The following GDAP1 variants were observed in gnomAD, a reference collection of about 807,000 sequenced individuals.
The protein encoded by GDAP1 is ganglioside-induced differentiation-associated protein 1.
A neutral mutation model predicts 40.1 loss-of-function variants in GDAP1; 34 were observed. That is an observed-to-expected ratio of 0.85 (90% confidence interval 0.64 to 1.13). The LOEUF is 1.13. GDAP1 is among the 50% of genes most tolerant of loss of function. The pLI is 0.00. For synonymous variants in GDAP1, 170 were observed against 157.4 expected (o/e 1.08, Z -0.60); for missense variants, 374 against 433.7 (o/e 0.86, Z 1.22).
intron 2 of GDAP1, among the ~76,000 whole-genome samples, chr8:74,357,094 A>G (rs1366764833): frequency 2.0e-5 from 3 of 152,196 alleles, no homozygotes; most frequent in African/African-American, 7.2e-5. Context: ...TATGCATATT[A>G]TATACTGATG....
At chr8:74,422,316 T>C (rs1450485046) in intron 2 of GDAP1, among the ~76,000 whole-genome samples, 92 of 53,854 alleles carry the variant, frequency 1.7e-3, no homozygotes, top group African/African-American at 9.2e-3. Context: ...TTTCTTTCTT[T>C]CTTTCTTTCT....
Position 74,423,533 on chromosome 8 carries a change from A to G in GDAP1, c.166-65145A>G, listed in dbSNP as rs141149713. ...ATGATGTTGTCATTAGTGATGACAG[A>G]TCTAATTCTCAATTTTTCCAATCCT... On this transcript the variant is annotated intron_variant, in intron 2 of 2. Coordinates refer to the GDAP1 transcript ENST00000523640. Among the ~76,000 whole-genome samples the G allele has an allele frequency of 5.3e-5, 8 of 151,538 alleles. No homozygotes were observed. In the East Asian group the frequency reaches 1.4e-3, roughly 26 times the overall value.
At chr8:74,419,609 C>A (rs1805830540) in intron 2 of GDAP1, among the ~76,000 whole-genome samples, 1 of 152,130 alleles carries the variant, frequency 6.6e-6, no homozygotes, top group South Asian at 2.1e-4. Context: ...TTTTCCTACA[C>A]CCTGTAGGTT....
chr8:74,371,602 G>A (rs1809751535), downstream of GDAP1, among the ~76,000 whole-genome samples: 1 of 151,588 alleles, frequency 6.6e-6, no homozygotes, highest in Non-Finnish European at 1.5e-5. Flanking sequence ...GGAGCTTGCA[G>A]TGAGCCGAGA....
chr8:74,403,083 CCAAA>C (rs1805582817), intron 2 of GDAP1, among the ~76,000 whole-genome samples: 2 of 149,924 alleles, frequency 1.3e-5, no homozygotes, highest in African/African-American at 5.1e-5. Context: ...ATAATAGTGC[CCAAA>C]CAATCTGATG....
chr8:74,454,765 C>CAAATATAATGATAT (rs1393727805), intron 2 of GDAP1, among the ~76,000 whole-genome samples: 2 of 21,062 alleles, frequency 9.5e-5, no homozygotes, highest in Admixed American at 4.5e-4. Flanking sequence ...ATTATAATGC[C>CAAATATAATGATAT]AAATATAATG....
downstream of GDAP1, among the ~76,000 whole-genome samples, chr8:74,369,394 G>C (rs1343295416): frequency 6.6e-6 from 1 of 152,122 alleles, no homozygotes; most frequent in African/African-American, 2.4e-5. Context: ...TGATTGAATT[G>C]ACAGAAAATC....
At chr8:74,425,223 G>A (rs2131561746) in intron 2 of GDAP1, among the ~76,000 whole-genome samples, 1 of 152,308 alleles carries the variant, frequency 6.6e-6, no homozygotes, top group South Asian at 2.1e-4. Context: ...TTGCCCTTGG[G>A]CTCTGGCCTC....
intron 2 of GDAP1, among the ~76,000 whole-genome samples, chr8:74,476,456 C>T (rs536794479): frequency 6.6e-5 from 10 of 152,228 alleles, no homozygotes; most frequent in African/African-American, 1.4e-4. Context: ...TTCTTTCAGG[C>T]GCTCTTGTAA....
chr8:74,453,786 T>A lies in GDAP1; in HGVS notation c.166-34892T>A, dbSNP rs1806308618. On this transcript the variant is annotated intron_variant, in intron 2 of 2. Transcript: ENST00000523640. The stretch of plus-strand genomic sequence containing the variant: ...AGTATTCCACTAGGTTAATGGAGCC[T>A]GATTTGTTTTTAAAACTTGAAGAAG... Among the ~76,000 whole-genome samples the A allele has an allele frequency of 2.4e-5, 2 of 82,620 alleles. 1 individual carries two copies. Among genetic ancestry groups the A allele is most frequent in the South Asian group, 1.1e-3 (2 of 1,806 alleles). The allele number at this position is 82,620 out of a possible 152,430, so 54.2% of individuals were successfully genotyped here. A position where few individuals can be genotyped will look rare whatever the true frequency, so the allele number is the denominator to read the frequency against.
chr8:74,355,753 G>T (rs1196018484), intron 2 of GDAP1, among the ~76,000 whole-genome samples: 1 of 152,008 alleles, frequency 6.6e-6, no homozygotes, highest in Non-Finnish European at 1.5e-5. Flanking sequence ...TGGTAACCTG[G>T]AATCAAGAAT....
chr8:74,457,170 G>T (rs1003271678), intron 2 of GDAP1, among the ~76,000 whole-genome samples: 1 of 152,006 alleles, frequency 6.6e-6, no homozygotes, highest in Non-Finnish European at 1.5e-5. Flanking sequence ...AAATTAACTG[G>T]CAAGTGTTTG....
At chr8:74,457,875 A>G (rs1222786210) in intron 2 of GDAP1, among the ~76,000 whole-genome samples, 2 of 152,094 alleles carry the variant, frequency 1.3e-5, no homozygotes, top group African/African-American at 2.4e-5. Flanking sequence ...TAGTCTCTTC[A>G]TATTTATTTT....
At chr8:74,433,691 A>T (rs1312486900) in intron 2 of GDAP1, among the ~76,000 whole-genome samples, 2 of 152,122 alleles carry the variant, frequency 1.3e-5, no homozygotes, top group Non-Finnish European at 2.9e-5. Flanking sequence ...GCCTAGAGAG[A>T]GTTCTGGCAT....
chr8:74,400,684 C>CT (rs1365689819), intron 2 of GDAP1, among the ~76,000 whole-genome samples: 3 of 149,876 alleles, frequency 2.0e-5, no homozygotes, highest in Non-Finnish European at 4.4e-5. Context: ...TTTGCAGTGG[C>CT]TGGTACCAGT....
At position 74,442,298 on chromosome 8, in the gene GDAP1, G is replaced by T. The variant is rs76664402; in HGVS notation, c.166-46380G>T. 1.1e-3 allele frequency among the ~76,000 whole-genome samples: 161 copies of T among 152,282 alleles called. 1 individual carries two copies. Among genetic ancestry groups the T allele is most frequent in the African/African-American group, 3.6e-3 (148 of 41,560 alleles). On this transcript the variant is annotated intron_variant, in intron 2 of 2. Coordinates refer to the GDAP1 transcript ENST00000523640. ...TACTTCCAGGCTTCCCAGAGGATCC[G>T]GTACCTTCTGCCCTACTTCTATAAG...
chr8:74,480,399 A>G (rs2128721532), intron 2 of GDAP1, among the ~76,000 whole-genome samples: 1 of 152,316 alleles, frequency 6.6e-6, no homozygotes, highest in East Asian at 1.9e-4. Context: ...TAAAGAGGTT[A>G]CTTCCAGGAT....
chr8:74,471,080 C>T (rs1052983396), intron 2 of GDAP1, among the ~76,000 whole-genome samples: 1 of 152,106 alleles, frequency 6.6e-6, no homozygotes, highest in Admixed American at 6.5e-5. Context: ...TATCCTTCAC[C>T]CACTTTTTGA....
intron 2 of GDAP1, among the ~76,000 whole-genome samples, chr8:74,421,846 T>A (rs1391909555): frequency 6.6e-6 from 1 of 152,220 alleles, no homozygotes; most frequent in Non-Finnish European, 1.5e-5. Context: ...AAGACACTGT[T>A]ATTTTATTTT....
Sources: gnomAD v4.1 joint callset for allele counts (sites outside exome capture counted in the v4.1 genomes callset) on GRCh38, gnomAD v4.1.1 for gene constraint, MANE v1.5 for transcripts, NCBI Gene and HGNC (gene_info 2026-07-23, HGNC 2026-07-21) for gene names.